Variants in NEBL observed in about 807,000 individuals in gnomAD.
NEBL encodes nebulette, also known as LIM and SH3 protein 2.
NEBL carries 122 observed loss-of-function variants against 140.2 expected under a neutral mutation model. The observed-to-expected ratio is 0.87, with a 90% CI of 0.75 to 1.01. The LOEUF (loss-of-function observed/expected upper bound fraction) is 1.01. NEBL is among the 50% of genes least tolerant of loss of function. The pLI is 0.00. For synonymous variants in NEBL, 436 were observed against 398.9 expected, an observed-to-expected ratio of 1.09 and a Z score of -1.11; for missense variants, 1,365 against 1,231.3, an observed-to-expected ratio of 1.11 and a Z score of -1.62.
chr10:21,117,101 T>C (rs1461235302), intron 2 of NEBL, among the ~76,000 whole-genome samples: 2 of 152,132 alleles, frequency 1.3e-5, no homozygotes, highest in African/African-American at 4.8e-5. Flanking sequence ...TACAACCTGT[T>C]CCTTCCATGG....
chr10:21,125,993 T>G (rs759404564), intron 2 of NEBL: 1 of 1,614,182 alleles, frequency 6.2e-7, no homozygotes, highest in Non-Finnish European at 8.5e-7. Context: ...ATGGGCGGCT[T>G]GTAGAGACTG....
At chr10:20,947,951 G>C (rs1399820784) in intron 4 of NEBL, among the ~76,000 whole-genome samples, 1 of 152,084 alleles carries the variant, frequency 6.6e-6, no homozygotes, top group African/African-American at 2.4e-5. Context: ...AGGATTCCCT[G>C]GGCCACACAA....
chr10:20,971,026 G>GT (rs1446949063), intron 3 of NEBL, among the ~76,000 whole-genome samples: 7 of 152,290 alleles, frequency 4.6e-5, no homozygotes, highest in Admixed American at 1.3e-4. Flanking sequence ...TTTATTATCT[G>GT]TAACGGATCC....
intron 22 of NEBL, 120 bp downstream of exon 22, chr10:20,815,505 T>C (rs947085631): frequency 3.7e-5 from 30 of 803,142 alleles, no homozygotes; most frequent in South Asian, 3.5e-4. Flanking sequence ...CATGTACTTA[T>C]TGGACACATC....
intron 2 of NEBL, among the ~76,000 whole-genome samples, chr10:21,149,894 G>C (rs1840071836): frequency 6.6e-6 from 1 of 152,134 alleles, no homozygotes. Context: ...TCACTTGCTT[G>C]GTATGTGTGG....
chr10:21,052,283 G>C (rs1834811814), intron 2 of NEBL, among the ~76,000 whole-genome samples: 1 of 152,214 alleles, frequency 6.6e-6, no homozygotes, highest in South Asian at 2.1e-4. Context: ...TGGGAAGAGA[G>C]AGCAAACGAC....
At chr10:21,016,728 A>G (rs927569709) in intron 3 of NEBL, among the ~76,000 whole-genome samples, 1 of 152,212 alleles carries the variant, frequency 6.6e-6, no homozygotes, top group African/African-American at 2.4e-5. Flanking sequence ...CACCAAAACC[A>G]GTGAGCTGTT....
intron 1 of NEBL, among the ~76,000 whole-genome samples, chr10:21,268,508 T>A (rs958263116): frequency 6.9e-6 from 1 of 144,874 alleles, no homozygotes; most frequent in Non-Finnish European, 1.5e-5. Context: ...ACATTAAAAA[T>A]AAAAATTTTA....
chr10:20,854,399 T>G (rs182261108), intron 9 of NEBL, among the ~76,000 whole-genome samples: 5 of 152,288 alleles, frequency 3.3e-5, no homozygotes, highest in African/African-American at 1.2e-4. Context: ...ACAAGAGAGC[T>G]ACCCTTTCTA....
chr10:20,986,372 A>G (rs1837259290), intron 3 of NEBL, among the ~76,000 whole-genome samples: 1 of 152,216 alleles, frequency 6.6e-6, no homozygotes, highest in South Asian at 2.1e-4. Context: ...AAAATAATTA[A>G]GCCAAAAATA....
chr10:21,094,010 C>T (rs1837043770), intron 2 of NEBL, among the ~76,000 whole-genome samples: 1 of 152,154 alleles, frequency 6.6e-6, no homozygotes, highest in Non-Finnish European at 1.5e-5. Flanking sequence ...TGTGGTTTGA[C>T]ACATTAAGCA....
chr10:21,263,781 A>G (rs10828227), intron 1 of NEBL, among the ~76,000 whole-genome samples: 53,318 of 151,976 alleles, frequency 0.35, 10,008 homozygotes, highest in African/African-American at 0.48. Flanking sequence ...CCTGGGCAAC[A>G]TGGCGAAACC....
intron 4 of NEBL, among the ~76,000 whole-genome samples, chr10:20,930,605 C>A (rs773287439): frequency 1.3e-4 from 20 of 152,204 alleles, no homozygotes; most frequent in Non-Finnish European, 2.4e-4. Context: ...TCCCCTTTTG[C>A]TCAGTCCAGC....
At position 20,888,190 on chromosome 10, in the gene NEBL, G is replaced by A. The variant is rs1256058724; in HGVS notation, c.276C>T (p.Thr92=). 20 of 1,610,154 alleles carry A rather than the reference G, an allele frequency of 1.2e-5. No individual in the cohort carries two copies. The highest frequency in any genetic ancestry group is 1.5e-5 in the Non-Finnish European group (18 of 1,177,788). The change falls in exon 4 of 28, where the codon ACC becomes ACT. Residue 92 remains threonine (T), a synonymous_variant. Coordinates refer to ENST00000377122, the MANE Select transcript of NEBL (RefSeq NM_006393.3). ...GAGAATTAGAAAGGTCAGCTTTAAT[G>A]GTGCCTTTGTATTTTGCCTGGGGGA... ...AFISEAKYKG[T]IKADLSNSLY...
At chr10:21,134,229 A>G (rs1231147730) in intron 2 of NEBL, among the ~76,000 whole-genome samples, 1 of 136,228 alleles carries the variant, frequency 7.3e-6, no homozygotes, top group Non-Finnish European at 1.6e-5. Flanking sequence ...CCATCTCAAG[A>G]AAAAAAAAAA....
chr10:20,928,233 G>A (rs535600945), intron 4 of NEBL, among the ~76,000 whole-genome samples: 3 of 152,276 alleles, frequency 2.0e-5, no homozygotes, highest in Non-Finnish European at 4.4e-5. Context: ...AATTTTTCCA[G>A]TAACTGAATT....
At chr10:20,982,859 T>C (rs1221305349) in intron 3 of NEBL, among the ~76,000 whole-genome samples, 1 of 152,242 alleles carries the variant, frequency 6.6e-6, no homozygotes, top group Non-Finnish European at 1.5e-5. Flanking sequence ...AATCATATCT[T>C]AAGAATGCCA....
chr10:21,261,826 C>G (rs2132281275), intron 1 of NEBL, among the ~76,000 whole-genome samples: 1 of 152,164 alleles, frequency 6.6e-6, no homozygotes, highest in South Asian at 2.1e-4. Context: ...GTGTCAGCGG[C>G]AACACACACT....
chr10:20,939,707 A>G (rs1435667472), intron 4 of NEBL, among the ~76,000 whole-genome samples: 3 of 152,152 alleles, frequency 2.0e-5, no homozygotes, highest in Admixed American at 6.5e-5. Flanking sequence ...GTGCAGAGAC[A>G]CACATAGGCT....
Sources: allele counts gnomAD v4.1 joint callset (sites outside exome capture counted in the v4.1 genomes callset), GRCh38; gene constraint gnomAD v4.1.1; transcripts MANE v1.5; gene names NCBI Gene and HGNC (gene_info 2026-07-23, HGNC 2026-07-21).